Variants in PAEP observed in about 807,000 individuals in gnomAD.
The protein encoded by PAEP is glycodelin.
In PAEP, 28 loss-of-function variants were observed where a neutral mutation model predicts 23.0. The observed-to-expected ratio is 1.22, with a 90% CI of 0.90 to 1.67. The LOEUF (loss-of-function observed/expected upper bound fraction) is 1.67. Among genes scored for constraint, PAEP ranks in the 40% most tolerant of loss-of-function variants. The pLI is 0.00. For synonymous variants in PAEP, 103 were observed against 92.4 expected, an observed-to-expected ratio of 1.12 and a Z score of -0.66; for missense variants, 209 against 226.4, an observed-to-expected ratio of 0.92 and a Z score of 0.49.
intron 6 of PAEP, chr9:135,566,048 T>A (rs1832566605): frequency 3.5e-6 from 2 of 564,238 alleles, no homozygotes; most frequent in African/African-American, 3.8e-5. Context: ...TCAGACCTCA[T>A]GCTTTCTTTT....
At chr9:135,564,179 C>T (rs1646102042) in intron 3 of PAEP, 65 bp from the exon 4 acceptor site, 9 of 1,541,894 alleles carry the variant, frequency 5.8e-6, no homozygotes, top group Non-Finnish European at 7.9e-6. Context: ...TGTCCACACA[C>T]CTGCACAGGA....
chr9:135,563,962 C>G (rs1375854952), intron 3 of PAEP, among the ~76,000 whole-genome samples: 1 of 152,196 alleles, frequency 6.6e-6, no homozygotes, highest in Admixed American at 6.5e-5. Context: ...CGTGACTTCT[C>G]AGTTGGAGTC....
At chr9:135,563,948 C>T (rs373808423) in intron 3 of PAEP, among the ~76,000 whole-genome samples, 13 of 152,306 alleles carry the variant, frequency 8.5e-5, no homozygotes, top group African/African-American at 2.9e-4. Flanking sequence ...CATCCTCACC[C>T]GTACGTGACT....
chr9:135,562,765 A>G (rs1832370941), intron 2 of PAEP, 55 bp from the exon 3 acceptor site: 6 of 1,426,802 alleles, frequency 4.2e-6, no homozygotes, highest in South Asian at 1.2e-5. Flanking sequence ...TAGGAGTGAC[A>G]GTGAAGGCAA....
At chr9:135,562,496 G>A in intron 2 of PAEP, 63 bp downstream of exon 2, 1 of 1,571,444 alleles carries the variant, frequency 6.4e-7, no homozygotes, top group Non-Finnish European at 8.6e-7. Context: ...AGGGGTCCAG[G>A]ACTGGGTGGG....
chr9:135,564,299 T>C lies in PAEP; in HGVS notation c.366T>C (p.Phe122=), dbSNP rs1164906711. ...LLDTDYDNFL[F]LCLQDTTTPI... Reference sequence around the variant, plus strand: ...ATACTGACTACGACAATTTCCTGTTTCTCTGCCTACAGGACACCACCACCC... The same window carrying C: ...ATACTGACTACGACAATTTCCTGTTCCTCTGCCTACAGGACACCACCACCC... Residue 122 remains phenylalanine, a synonymous_variant, in exon 4 of 7, where the codon TTT becomes TTC. Coordinates refer to ENST00000479141, the MANE Select transcript of PAEP (RefSeq NM_002571.4). 2.3e-5 allele frequency: 35 copies of C among 1,553,146 alleles called. No homozygotes were observed. Among genetic ancestry groups the C allele is most frequent in the Non-Finnish European group, 2.9e-5 (33 of 1,147,936 alleles).
At chr9:135,561,951 A>T in intron 1 of PAEP, 54 bp downstream of exon 1, 5 of 1,265,862 alleles carry the variant, frequency 3.9e-6, no homozygotes, top group Non-Finnish European at 5.6e-6. Flanking sequence ...GGCGGGTGGG[A>T]GCTGCGGGCA....
chr9:135,562,857 G>C lies in PAEP; in HGVS notation c.274G>C (p.Glu92Gln). 1.9e-6 allele frequency: 3 copies of C among 1,614,066 alleles called. No individual in the cohort carries two copies. Among genetic ancestry groups the C allele is most frequent in the Non-Finnish European group, 1.7e-6 (2 of 1,179,948 alleles). ...NSCVEKKVLG[E>Q]KTENPKKFKI... The stretch of plus-strand genomic sequence containing the variant: ...CTGTGTTGAGAAGAAGGTCCTTGGA[G>C]AGAAGACTGAGAATCCAAAGAAGTT... The change falls in exon 3 of 7, where the codon GAG becomes CAG. Residue 92 changes from glutamate to glutamine, a missense_variant. By Grantham distance (29) the Glu-to-Gln change is conservative (BLOSUM62 2). Coordinates refer to ENST00000479141, the MANE Select transcript of PAEP (RefSeq NM_002571.4).
At position 135,565,387 on chromosome 9, in the gene PAEP, G is replaced by A. The variant is rs773138552; in HGVS notation, c.422-23G>A. On this transcript the variant is annotated intron_variant, in intron 4 of 6. Coordinates refer to ENST00000479141, the MANE Select transcript of PAEP (RefSeq NM_002571.4). Reference sequence around the variant, plus strand: ...TCTCATGGAAGCCCCAGGGGCCCAGGACTGACCCAGCCTCTTCCACAGCCA... The same window carrying A: ...TCTCATGGAAGCCCCAGGGGCCCAGAACTGACCCAGCCTCTTCCACAGCCA... The A allele has an allele frequency of 1.0e-5, 16 of 1,601,318 alleles. No homozygotes were observed. The African/African-American group carries it at 1.6e-4, about 16-fold the overall frequency.
rs190161950 is a variant in PAEP at position 135,561,940 on chromosome 9, G to A, written c.96+43G>A. On this transcript the variant is annotated intron_variant, in intron 1 of 6. Transcript: ENST00000479141. ...CGGGCACTTTACTGTGGGAGGCCTG[G>A]GGCGGGTGGGAGCTGCGGGCAGGCA... 1,817 of 1,458,388 alleles carry A rather than the reference G, an allele frequency of 1.2e-3. 8 individuals carry two copies. Among genetic ancestry groups the A allele is most frequent in the Non-Finnish European group, 1.6e-3 (1,700 of 1,065,416 alleles). 90.3% of individuals were successfully genotyped at this position (1,458,388 alleles called of 1,614,324 possible).
At position 135,565,528 on chromosome 9, in the gene PAEP, A is replaced by T. The variant is rs1227720281; in HGVS notation, c.526+14A>T. On this transcript the variant is annotated intron_variant, in intron 5 of 6. Transcript: ENST00000479141. ...AACAGATGGAAGGTGAGCTCTGCCT[A>T]GGACACGCCCAGCCTCAGCTGGAGG... The T allele has an allele frequency of 6.2e-7, 1 of 1,604,688 alleles. No homozygotes were observed. The highest frequency in any genetic ancestry group is 8.5e-7 in the Non-Finnish European group (1 of 1,171,494).
chr9:135,563,309 GGTGA>G (rs1412805851), intron 3 of PAEP, among the ~76,000 whole-genome samples: 2 of 151,598 alleles, frequency 1.3e-5, no homozygotes, highest in Non-Finnish European at 2.9e-5. Flanking sequence ...CAGGTGGCTA[GGTGA>G]GTAAGTGGTT....
intron 4 of PAEP, chr9:135,564,829 A>G (rs1298644098): frequency 1.0e-6 from 1 of 985,320 alleles, no homozygotes; most frequent in East Asian, 1.1e-4. Context: ...CCAGCGGTTC[A>G]TCGAGTCCTC....
At position 135,565,427 on chromosome 9, in the gene PAEP, G is replaced by A. The variant is rs371322222; in HGVS notation, c.439G>A (p.Asp147Asn). The change falls in exon 5 of 7, where the codon GAC becomes AAC. Residue 147 changes from aspartate to asparagine, a missense_variant. Asp to Asn is a conservative substitution (Grantham distance 23). Coordinates refer to ENST00000479141, the MANE Select transcript of PAEP (RefSeq NM_002571.4). Reference sequence around the variant, plus strand: ...TTCCACAGCCAGAGTCCTGGTGGAGGACGATGAGATCATGCAGGGATTCAT... The same window carrying A: ...TTCCACAGCCAGAGTCCTGGTGGAGAACGATGAGATCATGCAGGGATTCAT... ...CQYLARVLVEDDEIMQGFIRA... is the reference protein window; with the variant it reads ...CQYLARVLVENDEIMQGFIRA... The A allele has an allele frequency of 9.3e-6, 15 of 1,613,994 alleles. No homozygotes were observed. In the African/African-American group the frequency reaches 1.2e-4, roughly 13 times the overall value.
intron 4 of PAEP, 131 bp from the exon 5 acceptor site, chr9:135,565,279 G>A (rs1832523799): frequency 1.3e-6 from 1 of 764,116 alleles, no homozygotes; most frequent in Non-Finnish European, 2.3e-6. Context: ...ACCTACTCCA[G>A]ACCAAACTCT....
chr9:135,566,098 G>A (rs1832568675), intron 6 of PAEP: 1 of 429,450 alleles, frequency 2.3e-6, no homozygotes, highest in African/African-American at 2.0e-5. Flanking sequence ...GGGGCTATAG[G>A]AGGAGGAAGG....
In PAEP at chr9:135,561,964, C is replaced by T. The variant is rs561382543; in HGVS notation, c.96+67C>T. On this transcript the variant is annotated intron_variant, in intron 1 of 6. Coordinates refer to ENST00000479141, the MANE Select transcript of PAEP (RefSeq NM_002571.4). ...GGGGCGGGTGGGAGCTGCGGGCAGG[C>T]AGGAAGCCCAGGATCTCAGAAACCT... The T allele has an allele frequency of 5.9e-5, 70 of 1,195,646 alleles. 1 individual carries two copies. The South Asian group carries it at 7.2e-4, about 12-fold the overall frequency. 74.1% of individuals were successfully genotyped at this position (1,195,646 alleles called of 1,614,324 possible).
Position 135,562,371 on chromosome 9 carries a change from G to A in PAEP, c.174G>A (p.Arg58=), listed in dbSNP as rs771017365. The A allele has an allele frequency of 1.2e-6, 2 of 1,614,116 alleles. No individual in the cohort carries two copies. Among genetic ancestry groups the A allele is most frequent in the African/African-American group, 1.3e-5 (1 of 75,028 alleles). Residue 58 remains arginine (R), a synonymous_variant, in exon 2 of 7, where the codon AGG becomes AGA. Transcript: ENST00000479141. ...SLMATLKAPL[R]VHITSLLPTP... ...TGGCGACACTGAAGGCCCCTCTGAG[G>A]GTCCACATCACCTCACTGTTGCCCA... is the stretch of plus-strand genomic sequence containing the variant.
At chr9:135,564,040 A>T (rs1832460080) in intron 3 of PAEP, among the ~76,000 whole-genome samples, 1 of 152,034 alleles carries the variant, frequency 6.6e-6, no homozygotes, top group Non-Finnish European at 1.5e-5. Context: ...TCTCCCCCTC[A>T]GCCGGGGCTC....
Sources: gnomAD v4.1 joint callset for allele counts (sites outside exome capture counted in the v4.1 genomes callset) on GRCh38, gnomAD v4.1.1 for gene constraint, MANE v1.5 for transcripts, NCBI Gene and HGNC (gene_info 2026-07-23, HGNC 2026-07-21) for gene names.